The following SGPL1 variants were observed in gnomAD, a reference collection of about 807,000 sequenced individuals.
SGPL1 encodes the protein sphingosine-1-phosphate lyase 1.
SGPL1 carries 37 observed loss-of-function variants against 68.9 expected under a neutral mutation model. That is an observed-to-expected ratio of 0.54 (90% CI 0.41 to 0.71). The LOEUF is 0.71. Ranked by LOEUF, SGPL1 falls within the 30% of genes least tolerant of loss-of-function variation. The pLI is 0.00. For missense variants in SGPL1, 551 were observed against 704.6 expected (o/e 0.78, Z 2.47); for synonymous variants, 236 against 248.5 (o/e 0.95, Z 0.47).
chr10:70,817,002 A>G, intron 2 of SGPL1, 122 bp downstream of exon 2: 1 of 993,066 alleles, frequency 1.0e-6, no homozygotes, highest in Admixed American at 1.7e-5. Flanking sequence ...GCGTTTTGCC[A>G]CCTTTTATTT....
At chr10:70,848,840 T>A (rs1426784884) in intron 3 of SGPL1, among the ~76,000 whole-genome samples, 2 of 152,172 alleles carry the variant, frequency 1.3e-5, no homozygotes, top group African/African-American at 2.4e-5. Flanking sequence ...CATTTTTATT[T>A]ACTATGTCAC....
In SGPL1 at chr10:70,816,857, C is replaced by T. The variant is rs1215358151; in HGVS notation, c.4C>T (p.Pro2Ser). M[P>S]STDLLMLKAF... ...GAGAGGAGGCTGGAAGAGGAAGATG[C>T]CTAGCACAGACCTTCTGATGTTGGT... Residue 2 changes from proline to serine, a missense_variant, in exon 2 of 15, where the codon CCT (proline) becomes TCT (serine). Transcript: ENST00000373202. The T allele has an allele frequency of 6.2e-7, 1 of 1,613,996 alleles. No individual in the cohort carries two copies. The highest frequency in any genetic ancestry group is 8.5e-7 in the Non-Finnish European group (1 of 1,179,908).
In SGPL1 at chr10:70,844,617, G is replaced by C; in HGVS notation, c.172G>C (p.Glu58Gln). The C allele has an allele frequency of 6.2e-7, 1 of 1,614,086 alleles. No homozygotes were observed. The highest frequency in any genetic ancestry group is 8.5e-7 in the Non-Finnish European group (1 of 1,180,008). ...GACCCTGCTGATAGTCTGGGGATAT[G>C]AGTTTGTCTTCCAGCCAGAGAGTAA... ...VWTLLIVWGY[E>Q]FVFQPESLWS... Residue 58 changes from glutamate to glutamine, a missense_variant, in exon 3 of 15, where the codon GAG (glutamate) becomes CAG (glutamine). Glu to Gln is a conservative substitution (Grantham distance 29). Transcript: ENST00000373202.
At chr10:70,828,941 C>G (rs531510822) in intron 2 of SGPL1, among the ~76,000 whole-genome samples, 84 of 152,154 alleles carry the variant, frequency 5.5e-4, no homozygotes, top group Non-Finnish European at 9.3e-4. Context: ...TCACATTCTT[C>G]TGAAAGGGGA....
In SGPL1 at chr10:70,880,345, T is replaced by C. The variant is rs1013669296; in HGVS notation, c.*3010T>C. On this transcript the variant is annotated 3_prime_UTR_variant, in exon 15 of 15. Transcript: ENST00000373202. ...GTCCTTGCACCAGCAGTGGTAGTCG[T>C]ACCTATTTCAGAGAGGTCTGAAATT... 4.6e-5 allele frequency: 7 copies of C among 152,274 alleles called. No individual in the cohort carries two copies. Among genetic ancestry groups the C allele is most frequent in the African/African-American group, 1.7e-4 (7 of 41,476 alleles). The allele number at this position is 152,274 out of a possible 1,614,324, so 9.4% of individuals were successfully genotyped here. A position where few individuals can be genotyped will look rare whatever the true frequency, so the allele number is the denominator to read the frequency against.
intron 5 of SGPL1, 28 bp from the exon 6 acceptor site, chr10:70,857,586 T>C: frequency 6.3e-7 from 1 of 1,582,362 alleles, no homozygotes; most frequent in Non-Finnish European, 8.7e-7. Flanking sequence ...TCTTGCTTAC[T>C]GACCAGTGAC....
chr10:70,831,045 T>C (rs909810202), intron 2 of SGPL1, among the ~76,000 whole-genome samples: 1 of 152,188 alleles, frequency 6.6e-6, no homozygotes, highest in Non-Finnish European at 1.5e-5. Context: ...AAACTTCACC[T>C]GACGGCAGAA....
intron 7 of SGPL1, among the ~76,000 whole-genome samples, chr10:70,861,850 T>G (rs1304190164): frequency 6.6e-6 from 1 of 152,140 alleles, no homozygotes; most frequent in African/African-American, 2.4e-5. Flanking sequence ...CTGCGCTCGA[T>G]TTCTCGCTGG....
At chr10:70,822,305 C>T (rs1202380855) in intron 2 of SGPL1, among the ~76,000 whole-genome samples, 1 of 152,128 alleles carries the variant, frequency 6.6e-6, no homozygotes, top group Non-Finnish European at 1.5e-5. Flanking sequence ...TGAAACAGAG[C>T]TGTAATAATT....
intron 13 of SGPL1, 37 bp from the exon 14 acceptor site, chr10:70,876,504 C>G (rs947321949): frequency 1.9e-6 from 3 of 1,575,742 alleles, no homozygotes; most frequent in Non-Finnish European, 2.6e-6. Flanking sequence ...TTTTTTCTTT[C>G]TTCAAGGTTC....
chr10:70,877,284 C>T lies in SGPL1; in HGVS notation c.1656C>T (p.Thr552=), dbSNP rs558668163. 2.7e-5 allele frequency: 44 copies of T among 1,614,092 alleles called. No homozygotes were observed. Among genetic ancestry groups the T allele is most frequent in the East Asian group, 1.1e-4 (5 of 44,884 alleles). The change falls in exon 15 of 15, where the codon ACC becomes ACT. Residue 552 remains threonine, a synonymous_variant. Coordinates refer to ENST00000373202, the MANE Select transcript of SGPL1 (RefSeq NM_003901.4). ...SSVFLDSLYS[T]DTVTQGSQMN... is the part of the protein sequence containing the mutation. The stretch of plus-strand genomic sequence containing the variant: ...TCTTCTTGGACAGCTTGTACAGCAC[C>T]GACACTGTCACCCAGGGCAGCCAGA...
At chr10:70,843,231 C>T (rs138539984) in intron 2 of SGPL1, among the ~76,000 whole-genome samples, 219 of 151,890 alleles carry the variant, frequency 1.4e-3, no homozygotes, top group African/African-American at 4.5e-3. Flanking sequence ...GAGAAGTTTT[C>T]GTGATTTGTT....
intron 10 of SGPL1, among the ~76,000 whole-genome samples, chr10:70,871,431 T>C (rs1323465988): frequency 6.6e-6 from 1 of 152,190 alleles, no homozygotes; most frequent in Admixed American, 6.5e-5. Context: ...AATCTGCATG[T>C]AGGAATGTGC....
chr10:70,839,823 C>T (rs1183684326), intron 2 of SGPL1, among the ~76,000 whole-genome samples: 2 of 151,848 alleles, frequency 1.3e-5, no homozygotes, highest in Admixed American at 6.6e-5. Context: ...AGTCTTTTGG[C>T]TGTCCTGGGC....
chr10:70,851,256 T>TA, intron 4 of SGPL1, 46 bp downstream of exon 4: 1 of 1,421,016 alleles, frequency 7.0e-7, no homozygotes, highest in Non-Finnish European at 1.0e-6. Context: ...TTGATAATCA[T>TA]ACCTCTTTCT....
intron 5 of SGPL1, 56 bp from the exon 6 acceptor site, chr10:70,857,558 A>G: frequency 7.1e-7 from 1 of 1,403,806 alleles, no homozygotes; most frequent in South Asian, 1.2e-5. Flanking sequence ...CTTTATCAGA[A>G]CCTGTCTTCC....
chr10:70,822,795 CTT>C (rs79983712), intron 2 of SGPL1, among the ~76,000 whole-genome samples: 125 of 136,012 alleles, frequency 9.2e-4, no homozygotes, highest in Admixed American at 1.1e-3. Flanking sequence ...CATTATCACT[CTT>C]TTTTTTTTTT....
intron 7 of SGPL1, among the ~76,000 whole-genome samples, chr10:70,864,858 G>A (rs1306734923): frequency 6.6e-6 from 1 of 152,178 alleles, no homozygotes; most frequent in Non-Finnish European, 1.5e-5. Context: ...ATCTGTATTA[G>A]AATAACCAGG....
At chr10:70,824,757 T>C (rs1435281748) in intron 2 of SGPL1, among the ~76,000 whole-genome samples, 1 of 152,170 alleles carries the variant, frequency 6.6e-6, no homozygotes, top group Non-Finnish European at 1.5e-5. Context: ...TAGTGCTTAA[T>C]GTAGACAGGA....
Sources: allele counts gnomAD v4.1 joint callset (sites outside exome capture counted in the v4.1 genomes callset), GRCh38; gene constraint gnomAD v4.1.1; transcripts MANE v1.5; gene names NCBI Gene and HGNC (gene_info 2026-07-23, HGNC 2026-07-21).